MVB12B: variants seen among roughly 807,000 people sequenced by gnomAD.
MVB12B encodes multivesicular body subunit 12B, also known as ESCRT-I complex subunit MVB12B.
MVB12B carries 16 observed loss-of-function variants against 41.6 expected under a neutral mutation model. The observed-to-expected ratio is 0.38, with a 90% CI of 0.26 to 0.58. The LOEUF (loss-of-function observed/expected upper bound fraction) is 0.58, where lower values mean the gene tolerates loss of function less well. MVB12B is among the 20% of genes least tolerant of loss of function. The pLI, the probability that MVB12B is intolerant of heterozygous loss-of-function variation, is 0.62. For missense variants in MVB12B, 274 were observed against 380.2 expected (o/e 0.72, Z 2.32); for synonymous variants, 133 against 139.7 (o/e 0.95, Z 0.34).
chr9:126,371,602 T>C (rs1830340826), intron 2 of MVB12B, among the ~76,000 whole-genome samples: 1 of 152,202 alleles, frequency 6.6e-6, no homozygotes, highest in South Asian at 2.1e-4. Context: ...GAAAGGGCTA[T>C]CTTGTGTAGT....
intron 6 of MVB12B, among the ~76,000 whole-genome samples, chr9:126,408,782 G>GA (rs1232506452): frequency 4.6e-5 from 7 of 152,098 alleles, no homozygotes. Context: ...TAGTATCTAT[G>GA]AAATGTTAGT....
At chr9:126,460,988 CT>C (rs1219123974) in intron 7 of MVB12B, among the ~76,000 whole-genome samples, 2 of 152,224 alleles carry the variant, frequency 1.3e-5, no homozygotes, top group Admixed American at 1.3e-4. Flanking sequence ...CACCACCACC[CT>C]TTTTGCGATT....
At chr9:126,454,284 G>A (rs962500336) in intron 7 of MVB12B, among the ~76,000 whole-genome samples, 3 of 151,990 alleles carry the variant, frequency 2.0e-5, no homozygotes, top group Non-Finnish European at 4.4e-5. Context: ...GGGTCCCACC[G>A]TGCCTCCACT....
chr9:126,449,075 C>T (rs1297645835), intron 7 of MVB12B, among the ~76,000 whole-genome samples: 1 of 152,052 alleles, frequency 6.6e-6, no homozygotes, highest in Non-Finnish European at 1.5e-5. Flanking sequence ...CTTGCCAATG[C>T]TCCCGTCAGC....
At chr9:126,361,053 A>G (rs1830015798) in intron 2 of MVB12B, among the ~76,000 whole-genome samples, 1 of 152,164 alleles carries the variant, frequency 6.6e-6, no homozygotes, top group Non-Finnish European at 1.5e-5. Context: ...AGCCATTTAC[A>G]TTTAACATGA....
At chr9:126,330,062 C>T (rs536384189) in intron 1 of MVB12B, among the ~76,000 whole-genome samples, 3 of 152,222 alleles carry the variant, frequency 2.0e-5, no homozygotes, top group East Asian at 3.9e-4. Flanking sequence ...GAGGCAAAGC[C>T]ACTGCAGAGT....
intron 7 of MVB12B, among the ~76,000 whole-genome samples, chr9:126,462,887 A>C (rs756275355): frequency 2.0e-5 from 3 of 152,194 alleles, no homozygotes; most frequent in Non-Finnish European, 4.4e-5. Context: ...TAGAGGATAC[A>C]TTTTCGTGAC....
intron 6 of MVB12B, chr9:126,397,543 G>A (rs1831151282): frequency 1.0e-6 from 1 of 985,352 alleles, no homozygotes; most frequent in Non-Finnish European, 1.2e-6. Flanking sequence ...AATATAAAAT[G>A]TATTCTAATT....
intron 9 of MVB12B, among the ~76,000 whole-genome samples, chr9:126,490,122 G>C (rs1414612840): frequency 6.6e-6 from 1 of 152,204 alleles, no homozygotes; most frequent in Non-Finnish European, 1.5e-5. Flanking sequence ...AATATTCTCT[G>C]TCTCTGCCGC....
At chr9:126,380,336 G>C (rs2118959692) in intron 2 of MVB12B, among the ~76,000 whole-genome samples, 1 of 152,290 alleles carries the variant, frequency 6.6e-6, no homozygotes, top group East Asian at 1.9e-4. Flanking sequence ...CCCAGCCCCA[G>C]TCTAGGTCAC....
At chr9:126,364,411 G>A (rs1348832655) in intron 2 of MVB12B, among the ~76,000 whole-genome samples, 1 of 152,156 alleles carries the variant, frequency 6.6e-6, no homozygotes, top group Non-Finnish European at 1.5e-5. Flanking sequence ...CCAGCAAGAA[G>A]CCCAGAGCCA....
chr9:126,474,623 T>C (rs1203660183), intron 7 of MVB12B, among the ~76,000 whole-genome samples: 3 of 152,216 alleles, frequency 2.0e-5, no homozygotes, highest in Admixed American at 2.0e-4. Flanking sequence ...CCTTATGCTG[T>C]GACCACCATG....
In MVB12B at chr9:126,386,770, C is replaced by A; in HGVS notation, c.409+112C>A. 1 of 741,856 alleles carries A rather than the reference C, an allele frequency of 1.3e-6. No homozygotes were observed. 46.0% of individuals were successfully genotyped at this position (741,856 alleles called of 1,614,324 possible). On this transcript the variant is annotated intron_variant, in intron 4 of 9. Transcript: ENST00000361171. The surrounding 1 kb of genome is among the most constrained non-coding windows in gnomAD (Gnocchi z 4.3). ...TTCAGAAACACTTTTGGAGGCCTTA[C>A]TACATGCCCATGAACAAACCCTGCT...
chr9:126,329,922 C>A (rs1428994352), intron 1 of MVB12B, among the ~76,000 whole-genome samples: 1 of 151,418 alleles, frequency 6.6e-6, no homozygotes, highest in East Asian at 2.0e-4. Context: ...CAACCCACCC[C>A]GCCCCCAACC....
intron 2 of MVB12B, among the ~76,000 whole-genome samples, chr9:126,348,702 C>T (rs2417015): frequency 2.6e-5 from 4 of 152,140 alleles, no homozygotes; most frequent in Non-Finnish European, 5.9e-5. Context: ...TGAAAAAAGA[C>T]GAGGCGCTTG....
In MVB12B at chr9:126,429,318, G is replaced by A. The variant is rs768651067; in HGVS notation, c.757+7370G>A. On this transcript the variant is annotated intron_variant, in intron 7 of 9. Coordinates refer to ENST00000361171, the MANE Select transcript of MVB12B (RefSeq NM_033446.3). ...AATGGGAGCGGATGGGGAATTGATC[G>A]CATGGTGTATTTGTATATCCTGATG... Among the ~76,000 whole-genome samples the A allele has an allele frequency of 4.6e-5, 7 of 152,210 alleles. No individual in the cohort carries two copies. The South Asian group carries it at 6.2e-4, about 14-fold the overall frequency.
At chr9:126,332,993 G>A (rs924490821) in intron 1 of MVB12B, among the ~76,000 whole-genome samples, 2 of 152,224 alleles carry the variant, frequency 1.3e-5, no homozygotes, top group South Asian at 2.1e-4. Flanking sequence ...CTAAGACTAC[G>A]TGCTTGCATG....
intron 9 of MVB12B, among the ~76,000 whole-genome samples, chr9:126,484,535 G>A (rs1833593567): frequency 1.2e-5 from 1 of 84,580 alleles, no homozygotes; most frequent in African/African-American, 3.9e-5. Flanking sequence ...TTCTTCCACT[G>A]TGCTTCATGA....
In MVB12B at chr9:126,473,927, G is replaced by T. The variant is rs1286215326; in HGVS notation, c.758-7442G>T. Among the ~76,000 whole-genome samples the T allele has an allele frequency of 6.6e-6, 1 of 152,204 alleles. No homozygotes were observed. The highest frequency in any genetic ancestry group is 1.5e-5 in the Non-Finnish European group (1 of 68,044). ...ATTCCCTTTCCTTTTCTATTTTGTA[G>T]AACTGGGCTTGGGGAGAACTTCTTT... On this transcript the variant is annotated intron_variant, in intron 7 of 9. Coordinates refer to ENST00000361171, the MANE Select transcript of MVB12B (RefSeq NM_033446.3). This position sits in a 1 kb window ranked among gnomAD's most constrained non-coding sequence, Gnocchi z 4.0.
Sources: gnomAD v4.1 joint callset for allele counts (sites outside exome capture counted in the v4.1 genomes callset) on GRCh38, gnomAD v4.1.1 for gene constraint, Gnocchi (gnomAD v3.1) non-coding constraint, MANE v1.5 for transcripts, NCBI Gene and HGNC (gene_info 2026-07-23, HGNC 2026-07-21) for gene names.